The following COL14A1 variants were observed in gnomAD, a reference collection of about 807,000 sequenced individuals.
COL14A1 encodes collagen type XIV alpha 1 chain, also known as collagen alpha-1(XIV) chain.
In COL14A1, 136 loss-of-function variants were observed where a neutral mutation model predicts 230.3. The observed-to-expected ratio is 0.59, with a 90% confidence interval of 0.51 to 0.68. The LOEUF is 0.68. Ranked by LOEUF, COL14A1 falls within the 30% of genes least tolerant of loss-of-function variation. The pLI, the probability that COL14A1 is intolerant of heterozygous loss-of-function variation, is 0.00. For missense variants in COL14A1, 1,976 were observed against 2,215.8 expected (o/e 0.89, Z 2.17); for synonymous variants, 792 against 784.1 (o/e 1.01, Z -0.17).
chr8:120,332,841 C>A, intron 42 of COL14A1, 106 bp downstream of exon 42: 1 of 823,188 alleles, frequency 1.2e-6, no homozygotes, highest in Non-Finnish European at 1.9e-6. Context: ...TTATTCAGCA[C>A]TGGACTCTAT....
chr8:120,299,564 G>T (rs994124922), intron 35 of COL14A1, among the ~76,000 whole-genome samples: 1 of 152,024 alleles, frequency 6.6e-6, no homozygotes, highest in African/African-American at 2.4e-5. Flanking sequence ...AAGACACCGT[G>T]CAGTAACAGT....
intron 4 of COL14A1, 93 bp from the exon 5 acceptor site, chr8:120,168,068 T>G: frequency 1.2e-6 from 1 of 800,962 alleles, no homozygotes. Flanking sequence ...CTATAGATAC[T>G]TTTAGGGCTT....
chr8:120,141,575 A>C (rs1447289152), intron 1 of COL14A1, among the ~76,000 whole-genome samples: 1 of 152,176 alleles, frequency 6.6e-6, no homozygotes, highest in Non-Finnish European at 1.5e-5. Flanking sequence ...AAAGAAAAAA[A>C]GGGTTTTAAA....
At chr8:120,338,301 C>T (rs1344893099) in intron 42 of COL14A1, among the ~76,000 whole-genome samples, 1 of 152,138 alleles carries the variant, frequency 6.6e-6, no homozygotes, top group Non-Finnish European at 1.5e-5. Flanking sequence ...ATATTATCTT[C>T]CCTGGAATAG....
At chr8:120,267,115 TG>T in intron 25 of COL14A1, 1 of 456,650 alleles carries the variant, frequency 2.2e-6, no homozygotes, top group African/African-American at 2.0e-5. Flanking sequence ...CTATTTTTTT[TG>T]AAATATCAGA....
At chr8:120,282,756 G>C (rs1341126002) in intron 31 of COL14A1, among the ~76,000 whole-genome samples, 1 of 152,112 alleles carries the variant, frequency 6.6e-6, no homozygotes, top group East Asian at 1.9e-4. Flanking sequence ...TAGAAAGAGA[G>C]ACAAGATGAT....
At chr8:120,297,452 CATT>C in intron 34 of COL14A1, 56 bp from the exon 35 acceptor site, 1 of 838,660 alleles carries the variant, frequency 1.2e-6, no homozygotes, top group Non-Finnish European at 1.7e-6. Flanking sequence ...AACATAAAAT[CATT>C]ATAAAGATAA....
In COL14A1 at chr8:120,160,626, C is replaced by T. The variant is rs920283791; in HGVS notation, c.206-1800C>T. Among the ~76,000 whole-genome samples, 10 of 152,230 alleles carry T rather than the reference C, an allele frequency of 6.6e-5. No homozygotes were observed. In the East Asian group the frequency reaches 7.7e-4, roughly 12 times the overall value. On this transcript the variant is annotated intron_variant, in intron 3 of 47. Transcript: ENST00000297848. ...GGTTTATTTTCCACAGTGTTCTTAC[C>T]GCAGCAACCCAAGACAATCAGTCTT...
At chr8:120,126,443 A>G (rs1814338554) in intron 1 of COL14A1, among the ~76,000 whole-genome samples, 1 of 152,152 alleles carries the variant, frequency 6.6e-6, no homozygotes, top group African/African-American at 2.4e-5. Context: ...ATTGCTTCTC[A>G]GAGTCCCATT....
chr8:120,310,764 C>A (rs527721821), intron 37 of COL14A1, among the ~76,000 whole-genome samples: 1 of 152,342 alleles, frequency 6.6e-6, no homozygotes, highest in East Asian at 1.9e-4. Context: ...CATCTGCCCC[C>A]AGATTAATTT....
At chr8:120,346,344 C>A (rs1179188371) in intron 45 of COL14A1, among the ~76,000 whole-genome samples, 1 of 152,092 alleles carries the variant, frequency 6.6e-6, no homozygotes, top group Non-Finnish European at 1.5e-5. Flanking sequence ...TGTGGGAAGT[C>A]AGGGTTGCAT....
intron 25 of COL14A1, chr8:120,267,086 C>T: frequency 5.6e-6 from 3 of 536,266 alleles, no homozygotes; most frequent in Non-Finnish European, 9.9e-6. Flanking sequence ...AGTGGATTTA[C>T]TAACAGAATT....
At chr8:120,315,190 T>C (rs1416103220) in intron 38 of COL14A1, among the ~76,000 whole-genome samples, 1 of 151,950 alleles carries the variant, frequency 6.6e-6, no homozygotes, top group African/African-American at 2.4e-5. Context: ...GCCAACATGA[T>C]GAAACCCCGT....
chr8:120,348,143 CAAT>C (rs1822588062), intron 45 of COL14A1, among the ~76,000 whole-genome samples: 1 of 149,640 alleles, frequency 6.7e-6, no homozygotes. Context: ...GCCCATCAAT[CAAT>C]GAGTGGATAA....
intron 33 of COL14A1, among the ~76,000 whole-genome samples, chr8:120,287,457 A>G (rs1239579520): frequency 6.6e-6 from 1 of 152,172 alleles, no homozygotes; most frequent in Non-Finnish European, 1.5e-5. Context: ...TTGGGAGATG[A>G]AAAGCGTTTG....
In COL14A1 at chr8:120,228,737, C is replaced by A; in HGVS notation, c.2165C>A (p.Thr722Lys). ...TLDSFWTEPA[T>K]TIVPTTSVTS... ...GACAGTTTTTGGACAGAACCAGCTACAACCATAGTGCCTACCACATCTGTG... is the reference window on the plus strand; with the variant it reads ...GACAGTTTTTGGACAGAACCAGCTAAAACCATAGTGCCTACCACATCTGTG... Residue 722 changes from threonine (T) to lysine (K), a missense_variant, in exon 18 of 48, where the codon ACA becomes AAA. This residue lies in a region of COL14A1 where 1,791 missense variants were observed against 2,019.5 expected (regional missense o/e 0.89). Transcript: ENST00000297848. 6.2e-7 allele frequency: 1 copy of A among 1,613,962 alleles called. No homozygotes were observed.
chr8:120,270,143 C>T lies in COL14A1; in HGVS notation c.3182C>T (p.Ala1061Val). 2 of 1,610,940 alleles carry T rather than the reference C, an allele frequency of 1.2e-6. No homozygotes were observed. Among genetic ancestry groups the T allele is most frequent in the African/African-American group, 1.3e-5 (1 of 74,772 alleles). ...AGCTTTCTATACAGCACTGTTGGAG[C>T]CCTGAACAAGATTGGCACAGATGGA... ...IISFLYSTVG[A>V]LNKIGTDGTQ... Residue 1061 changes from alanine to valine, a missense_variant, in exon 26 of 48, where the codon GCC (alanine) becomes GTC (valine). By Grantham distance (64) the Ala-to-Val change is moderately conservative. Transcript: ENST00000297848.
chr8:120,223,899 G>A (rs1818008815), intron 14 of COL14A1, among the ~76,000 whole-genome samples: 1 of 151,894 alleles, frequency 6.6e-6, no homozygotes, highest in Non-Finnish European at 1.5e-5. Flanking sequence ...CCCCATATAT[G>A]TGGTCTACAA....
intron 40 of COL14A1, among the ~76,000 whole-genome samples, chr8:120,321,475 C>G (rs1157926049): frequency 6.6e-6 from 1 of 151,730 alleles, no homozygotes; most frequent in African/African-American, 2.4e-5. Context: ...CCCGTCCCTA[C>G]TAAAAATACG....
Sources: allele counts gnomAD v4.1 joint callset (sites outside exome capture counted in the v4.1 genomes callset), GRCh38; gene constraint gnomAD v4.1.1; regional missense constraint gnomAD v4.1.1; transcripts MANE v1.5; gene names NCBI Gene and HGNC (gene_info 2026-07-23, HGNC 2026-07-21).